KCNK12: variants seen among roughly 807,000 people sequenced by gnomAD.
The protein encoded by KCNK12 is potassium two pore domain channel subfamily K member 12.
KCNK12 carries 6 observed loss-of-function variants against 25.3 expected under a neutral mutation model. That is an observed-to-expected ratio of 0.24 (90% CI 0.13 to 0.47). The LOEUF is 0.47. Ranked by LOEUF, KCNK12 falls within the 20% of genes least tolerant of loss-of-function variation. The pLI is 0.99. For synonymous variants in KCNK12, 331 were observed against 311.1 expected (o/e 1.06, Z -0.67); for missense variants, 444 against 661.7 (o/e 0.67, Z 3.61).
rs1669332864 is a variant in KCNK12 at position 47,547,202 on chromosome 2, C to T, written c.391+22739G>A. ...CTTCATCTTCAAGGGCACTGCGGCT[C>T]AATCTTCAGATCTCTTCTTTTCTGG... On this transcript the variant is annotated intron_variant, in intron 1 of 1. Coordinates refer to ENST00000327876, the MANE Select transcript of KCNK12 (RefSeq NM_022055.2). This position sits in a 1 kb window ranked among gnomAD's most constrained non-coding sequence, Gnocchi z 5.0. 6.6e-6 allele frequency among the ~76,000 whole-genome samples: 1 copy of T among 152,202 alleles called. No individual in the cohort carries two copies. The highest frequency in any genetic ancestry group is 2.4e-5 in the African/African-American group (1 of 41,452).
intron 1 of KCNK12, among the ~76,000 whole-genome samples, chr2:47,536,200 G>T (rs560689885): frequency 6.6e-6 from 1 of 152,340 alleles, no homozygotes; most frequent in East Asian, 1.9e-4. Context: ...GGTCAGGAAT[G>T]ACTTATTTCC....
chr2:47,549,666 T>C (rs1669384105), intron 1 of KCNK12, among the ~76,000 whole-genome samples: 2 of 152,306 alleles, frequency 1.3e-5, no homozygotes, highest in South Asian at 4.1e-4. Flanking sequence ...CTGGGTGCGG[T>C]GGCTCACGCC....
chr2:47,537,240 A>G (rs1413570001), intron 1 of KCNK12, among the ~76,000 whole-genome samples: 1 of 152,022 alleles, frequency 6.6e-6, no homozygotes. Flanking sequence ...AAGTGTTCCA[A>G]TTTACTTGGC....
intron 1 of KCNK12, among the ~76,000 whole-genome samples, chr2:47,558,728 C>T (rs757154124): frequency 6.6e-6 from 1 of 152,166 alleles, no homozygotes; most frequent in Non-Finnish European, 1.5e-5. Flanking sequence ...TCGGAGTTTG[C>T]GTTTATCTCA....
rs757349534 is a variant in KCNK12 at position 47,513,592 on chromosome 2, T to G, written c.*7315A>C. Among the ~76,000 whole-genome samples, 27 of 152,350 alleles carry G rather than the reference T, an allele frequency of 1.8e-4. No homozygotes were observed. The highest frequency in any genetic ancestry group is 3.1e-4 in the Non-Finnish European group (21 of 68,028). ...GTTGGTCTAGCCTGGGTCATTGTTA[T>G]GAGCTCTAGACTCACAAGGCCAATT... On this transcript the variant is annotated 3_prime_UTR_variant, in exon 2 of 2. Transcript: ENST00000327876.
rs1668401382 is a variant in KCNK12, at chr2:47,511,489, C to A, written c.*9418G>T. 6.6e-6 allele frequency among the ~76,000 whole-genome samples: 1 copy of A among 152,194 alleles called. No individual in the cohort carries two copies. The highest frequency in any genetic ancestry group is 2.4e-5 in the African/African-American group (1 of 41,450). On this transcript the variant is annotated 3_prime_UTR_variant, in exon 2 of 2. Transcript: ENST00000327876. This position sits in a 1 kb window ranked among gnomAD's most constrained non-coding sequence, Gnocchi z 4.3. The stretch of plus-strand genomic sequence containing the variant: ...TCCAGAACCCCAGCATCTGTGGTGT[C>A]TGTGGTGGGAGGGGCTTCCATATTA...
Position 47,560,808 on chromosome 2 carries a change from G to A in KCNK12, c.391+9133C>T, listed in dbSNP as rs1385014077. Among the ~76,000 whole-genome samples, 1 of 152,176 alleles carries A rather than the reference G, an allele frequency of 6.6e-6. No homozygotes were observed. The highest frequency in any genetic ancestry group is 2.4e-5 in the African/African-American group (1 of 41,438). ...CCTCAGTTATCCCCCTCACTCCCCA[G>A]AACAAAGGCATTGGCTGCTGGCATG... is the stretch of plus-strand genomic sequence containing the variant. On this transcript the variant is annotated intron_variant, in intron 1 of 1. Transcript: ENST00000327876. This position sits in a 1 kb window ranked among gnomAD's most constrained non-coding sequence, Gnocchi z 4.7.
Position 47,540,203 on chromosome 2 carries a change from C to CCTAT in KCNK12, c.392-18399_392-18396dup. Reference sequence around the variant, plus strand: ...GGAAGAGAAGGCCTCACCGGGCAGACCTATCTTGGAGAAGATACAAGCAAT... The same window carrying CCTAT: ...GGAAGAGAAGGCCTCACCGGGCAGACCTATCTATCTTGGAGAAGATACAAGCAAT... On this transcript the variant is annotated intron_variant, in intron 1 of 1. Transcript: ENST00000327876. The surrounding 1 kb of genome is among the most constrained non-coding windows in gnomAD (Gnocchi z 5.4). 6.6e-6 allele frequency among the ~76,000 whole-genome samples: 1 copy of CCTAT among 152,314 alleles called. No individual in the cohort carries two copies. Among genetic ancestry groups the CCTAT allele is most frequent in the South Asian group, 2.1e-4 (1 of 4,826 alleles).
intron 1 of KCNK12, among the ~76,000 whole-genome samples, chr2:47,554,176 A>G (rs1284204264): frequency 6.6e-6 from 1 of 152,220 alleles, no homozygotes; most frequent in Non-Finnish European, 1.5e-5. Flanking sequence ...TGTGCTAGGC[A>G]ATGGGAATAT....
Position 47,556,881 on chromosome 2 carries a change from C to CA in KCNK12, c.391+13059dup, listed in dbSNP as rs1236992003. ...TGGTCAGAGGTGAGATGTTTAGAGT[C>CA]AAAAACTTTGAAGGTAATGCAGTTA... On this transcript the variant is annotated intron_variant, in intron 1 of 1. Transcript: ENST00000327876. The surrounding 1 kb of genome is among the most constrained non-coding windows in gnomAD (Gnocchi z 4.8). Among the ~76,000 whole-genome samples, 1 of 152,020 alleles carries CA rather than the reference C, an allele frequency of 6.6e-6. No individual in the cohort carries two copies. Among genetic ancestry groups the CA allele is most frequent in the Non-Finnish European group, 1.5e-5 (1 of 68,018 alleles).
intron 1 of KCNK12, among the ~76,000 whole-genome samples, chr2:47,553,096 T>G (rs1402237391): frequency 6.6e-6 from 1 of 152,182 alleles, no homozygotes; most frequent in Non-Finnish European, 1.5e-5. Flanking sequence ...GAACAAACAT[T>G]TACTGGTTCT....
chr2:47,563,401 G>T (rs1487325426), intron 1 of KCNK12: 2 of 233,368 alleles, frequency 8.6e-6, no homozygotes, highest in Non-Finnish European at 1.7e-5. Flanking sequence ...GTAAGAAAGG[G>T]TGTGGGAGAG....
intron 1 of KCNK12, among the ~76,000 whole-genome samples, chr2:47,524,645 C>A (rs1395641304): frequency 6.6e-6 from 1 of 152,072 alleles, no homozygotes; most frequent in Non-Finnish European, 1.5e-5. Flanking sequence ...ACATAGGGGA[C>A]CTCTGGGGTG....
rs1320535777 is a variant in KCNK12 at position 47,540,918 on chromosome 2, A to T, written c.392-19110T>A. 6.6e-6 allele frequency among the ~76,000 whole-genome samples: 1 copy of T among 152,222 alleles called. No homozygotes were observed. Among genetic ancestry groups the T allele is most frequent in the Non-Finnish European group, 1.5e-5 (1 of 68,038 alleles). On this transcript the variant is annotated intron_variant, in intron 1 of 1. Transcript: ENST00000327876. The surrounding 1 kb of genome is among the most constrained non-coding windows in gnomAD (Gnocchi z 5.4). ...AGCTGTGATTCTACCACTGCACTCC[A>T]GCCTGGGCAACAGAGTGAGACCCTG...
At position 47,540,817 on chromosome 2, in the gene KCNK12, G is replaced by A. The variant is rs1032289328; in HGVS notation, c.392-19009C>T. On this transcript the variant is annotated intron_variant, in intron 1 of 1. Transcript: ENST00000327876. The surrounding 1 kb of genome is among the most constrained non-coding windows in gnomAD (Gnocchi z 5.4). ...CAAACAAAAGCAAGCTGGGCATGGT[G>A]GCTCACACCTGTAGTTCCAGCTACT... 5.3e-5 allele frequency among the ~76,000 whole-genome samples: 8 copies of A among 151,992 alleles called. No individual in the cohort carries two copies. Among genetic ancestry groups the A allele is most frequent in the Admixed American group, 3.3e-4 (5 of 15,222 alleles).
chr2:47,549,711 G>T (rs533837705), intron 1 of KCNK12, among the ~76,000 whole-genome samples: 10 of 152,278 alleles, frequency 6.6e-5, no homozygotes, highest in African/African-American at 1.9e-4. Flanking sequence ...CAAGATGGGC[G>T]GATCACGAGG....
chr2:47,520,684 G>A lies in KCNK12; in HGVS notation c.*223C>T. 1 of 386,126 alleles carries A rather than the reference G, an allele frequency of 2.6e-6. No individual in the cohort carries two copies. The highest frequency in any genetic ancestry group is 4.6e-6 in the Non-Finnish European group (1 of 219,582). The allele number at this position is 386,126 out of a possible 1,614,324, so 23.9% of individuals were successfully genotyped here. ...TCTCCCTGAAGGAGAATCTGCTGGG[G>A]GCCACGGTTCTCCAAGAGGGGACTC... On this transcript the variant is annotated 3_prime_UTR_variant, in exon 2 of 2. Coordinates refer to ENST00000327876, the MANE Select transcript of KCNK12 (RefSeq NM_022055.2). This position sits in a 1 kb window ranked among gnomAD's most constrained non-coding sequence, Gnocchi z 5.0.
Position 47,570,334 on chromosome 2 carries a change from T to TC in KCNK12, c.-4dup. 1.6e-6 allele frequency: 2 copies of TC among 1,269,646 alleles called. No homozygotes were observed. Among genetic ancestry groups the TC allele is most frequent in the Non-Finnish European group, 2.0e-6 (2 of 1,011,234 alleles). 78.6% of individuals were successfully genotyped at this position (1,269,646 alleles called of 1,614,324 possible). A position where few individuals can be genotyped will look rare whatever the true frequency, so the allele number is the denominator to read the frequency against. Reference sequence around the variant, plus strand: ...GGCCGGGGGCTGCGGGAGGACATGGTCCGGAGCTCAGCCCCGGGGCCGGGG... The same window carrying TC: ...GGCCGGGGGCTGCGGGAGGACATGGTCCCGGAGCTCAGCCCCGGGGCCGGGG... On this transcript the variant is annotated 5_prime_UTR_variant, in exon 1 of 2. Coordinates refer to ENST00000327876, the MANE Select transcript of KCNK12 (RefSeq NM_022055.2).
In KCNK12 at chr2:47,540,771, A is replaced by AC. The variant is rs1669180637; in HGVS notation, c.392-18964_392-18963insG. 7.8e-6 allele frequency among the ~76,000 whole-genome samples: 1 copy of AC among 127,436 alleles called. No homozygotes were observed. Among genetic ancestry groups the AC allele is most frequent in the African/African-American group, 3.5e-5 (1 of 28,544 alleles). The allele number at this position is 127,436 out of a possible 152,430, so 83.6% of individuals were successfully genotyped here. On this transcript the variant is annotated intron_variant, in intron 1 of 1. Transcript: ENST00000327876. This position sits in a 1 kb window ranked among gnomAD's most constrained non-coding sequence, Gnocchi z 5.4. ...TGAGACTCCATCCCTAGAAACAATT[A>AC]AAAACAAACAAACAAACAAACAAAC...
Sources: gnomAD v4.1 joint callset for allele counts (sites outside exome capture counted in the v4.1 genomes callset) on GRCh38, gnomAD v4.1.1 for gene constraint, Gnocchi (gnomAD v3.1) non-coding constraint, MANE v1.5 for transcripts, NCBI Gene and HGNC (gene_info 2026-07-23, HGNC 2026-07-21) for gene names.